The following CCDC148 variants were observed in gnomAD, a reference collection of about 807,000 sequenced individuals.
CCDC148 encodes the protein coiled-coil domain containing 148.
A neutral mutation model predicts 85.7 loss-of-function variants in CCDC148; 89 were observed. That is an observed-to-expected ratio of 1.04 (90% CI 0.87 to 1.24). The LOEUF is 1.24. Among genes scored for constraint, CCDC148 ranks in the 50% most tolerant of loss-of-function variants. The probability of loss-of-function intolerance (pLI) is 0.00; values close to 1 mark genes in which losing one functional copy is unlikely to be tolerated. For synonymous variants in CCDC148, 230 were observed against 213.9 expected, an observed-to-expected ratio of 1.08 and a Z score of -0.66; for missense variants, 692 against 671.7, an observed-to-expected ratio of 1.03 and a Z score of -0.33.
intron 1 of CCDC148, among the ~76,000 whole-genome samples, chr2:158,421,349 C>A (rs182404080): frequency 6.6e-6 from 1 of 152,292 alleles, no homozygotes; most frequent in Admixed American, 6.5e-5. Context: ...TAAAGCACTC[C>A]TCAGCAAATG....
intron 11 of CCDC148, among the ~76,000 whole-genome samples, chr2:158,199,500 C>T (rs181482262): frequency 6.6e-6 from 1 of 152,322 alleles, no homozygotes; most frequent in Admixed American, 6.5e-5. Context: ...CCACCTTGGC[C>T]TCCCAAAGTG....
rs777356867 is a variant in CCDC148 at position 158,323,919 on chromosome 2, C to CTTTTTTT, written c.765-10032_765-10026dup. ...GTCTAATTTCACCACCTGGGAATAA[C>CTTTTTTT]TTTTTTTTTTTTTTTTTTTTTTTTT... On this transcript the variant is annotated intron_variant, in intron 7 of 13. Transcript: ENST00000283233. Among the ~76,000 whole-genome samples the CTTTTTTT allele has an allele frequency of 1.3e-4, 11 of 82,946 alleles. 1 individual carries two copies. The highest frequency in any genetic ancestry group is 4.5e-4 in the South Asian group (1 of 2,246). The allele number at this position is 82,946 out of a possible 152,430, so 54.4% of individuals were successfully genotyped here. A position where few individuals can be genotyped will look rare whatever the true frequency, so the allele number is the denominator to read the frequency against.
At chr2:158,178,833 T>A (rs1033081499) in intron 12 of CCDC148, 46 bp downstream of exon 12, 7 of 1,251,446 alleles carry the variant, frequency 5.6e-6, no homozygotes, top group Non-Finnish European at 7.9e-6. Context: ...CTTAGAAACA[T>A]TTTTTTTAAA....
At chr2:158,256,191 T>C (rs1689003054) in intron 9 of CCDC148, among the ~76,000 whole-genome samples, 1 of 151,702 alleles carries the variant, frequency 6.6e-6, no homozygotes, top group Admixed American at 6.6e-5. Context: ...AAACAATTTA[T>C]TATAAGTGTC....
chr2:158,338,756 T>C lies in CCDC148; in HGVS notation c.734A>G (p.Asp245Gly), dbSNP rs773020595. 7 of 1,608,926 alleles carry C rather than the reference T, an allele frequency of 4.4e-6. No individual in the cohort carries two copies. The highest frequency in any genetic ancestry group is 5.9e-6 in the Non-Finnish European group (7 of 1,178,834). The change falls in exon 7 of 14, where the codon GAC (aspartate) becomes GGC (glycine). Residue 245 changes from aspartate to glycine, a missense_variant. Asp to Gly is a moderately conservative substitution (Grantham distance 94, BLOSUM62 -1). Coordinates refer to ENST00000283233, the MANE Select transcript of CCDC148 (RefSeq NM_138803.4). ...FTQKYQKKLQ[D>G]FNLQLEDIYR... ...TATGTCTTCCAACTGCAGATTAAAG[T>C]CTTGAAGCTTCTTCTGATATTTCTG...
intron 10 of CCDC148, among the ~76,000 whole-genome samples, chr2:158,226,915 T>G (rs189393314): frequency 0.022 from 3,391 of 152,236 alleles, 48 homozygotes; most frequent in East Asian, 0.068. Context: ...ATGCCCTCTC[T>G]CACCACTCCT....
intron 9 of CCDC148, among the ~76,000 whole-genome samples, chr2:158,307,949 T>G (rs1339619977): frequency 1.3e-5 from 2 of 152,112 alleles, no homozygotes; most frequent in African/African-American, 4.8e-5. Flanking sequence ...TCTCAGTGGT[T>G]TTTCATGGGT....
At chr2:158,340,496 A>C in intron 4 of CCDC148, 102 bp downstream of exon 4, 1 of 1,443,938 alleles carries the variant, frequency 6.9e-7, no homozygotes. Context: ...TCCTTAGAAA[A>C]AAACAAATGG....
intron 9 of CCDC148, among the ~76,000 whole-genome samples, chr2:158,258,681 C>A (rs1689102668): frequency 6.6e-6 from 1 of 151,852 alleles, no homozygotes; most frequent in South Asian, 2.1e-4. Context: ...TTCCCACTGT[C>A]TCTTAAACCC....
rs185466055 is a variant in CCDC148 at position 158,401,118 on chromosome 2, T to G, written c.26-42548A>C. Among the ~76,000 whole-genome samples, 406 of 152,258 alleles carry G rather than the reference T, an allele frequency of 2.7e-3. 3 individuals are homozygous for G. The highest frequency in any genetic ancestry group is 9.5e-3 in the African/African-American group (395 of 41,550). The stretch of plus-strand genomic sequence containing the variant: ...ACTGTTGGTGGGAGTGTAAATTAAT[T>G]CAACCATTGTGGAAGACACTGTGGC... On this transcript the variant is annotated intron_variant, in intron 1 of 13. Coordinates refer to ENST00000283233, the MANE Select transcript of CCDC148 (RefSeq NM_138803.4).
intron 1 of CCDC148, among the ~76,000 whole-genome samples, chr2:158,424,146 G>A (rs1686952392): frequency 6.6e-6 from 1 of 152,220 alleles, no homozygotes; most frequent in Admixed American, 6.5e-5. Flanking sequence ...AACCATTGTG[G>A]AAGTCAGTGT....
At chr2:158,233,371 A>T (rs554770945) in intron 10 of CCDC148, among the ~76,000 whole-genome samples, 1 of 151,560 alleles carries the variant, frequency 6.6e-6, no homozygotes, top group African/African-American at 2.4e-5. Flanking sequence ...TTGAAGTATG[A>T]CTCCTCTTTC....
At chr2:158,445,666 G>A (rs970197453) in intron 1 of CCDC148, among the ~76,000 whole-genome samples, 1 of 152,056 alleles carries the variant, frequency 6.6e-6, no homozygotes, top group African/African-American at 2.4e-5. Context: ...CTACTAAAAC[G>A]TTGAAGTCTC....
intron 1 of CCDC148, among the ~76,000 whole-genome samples, chr2:158,379,837 C>T (rs1247995583): frequency 6.6e-6 from 1 of 152,092 alleles, no homozygotes; most frequent in African/African-American, 2.4e-5. Context: ...ATACTGTAAA[C>T]ATAACTTTTA....
At chr2:158,324,085 T>G (rs1045049895) in intron 7 of CCDC148, among the ~76,000 whole-genome samples, 1 of 151,830 alleles carries the variant, frequency 6.6e-6, no homozygotes, top group Admixed American at 6.6e-5. Context: ...GCCCAGCTAA[T>G]TTTTGTATTT....
At chr2:158,334,661 A>T (rs2105236530) in intron 7 of CCDC148, among the ~76,000 whole-genome samples, 1 of 152,132 alleles carries the variant, frequency 6.6e-6, no homozygotes, top group South Asian at 2.1e-4. Context: ...TATCTCTTTA[A>T]TAATCTGATA....
intron 3 of CCDC148, among the ~76,000 whole-genome samples, chr2:158,344,298 A>G (rs1387587145): frequency 6.6e-6 from 1 of 152,098 alleles, no homozygotes; most frequent in Admixed American, 6.5e-5. Flanking sequence ...TTGTTTTTCT[A>G]TGTTTTAAGT....
intron 9 of CCDC148, among the ~76,000 whole-genome samples, chr2:158,264,341 T>C (rs556485689): frequency 6.6e-6 from 1 of 152,190 alleles, no homozygotes; most frequent in South Asian, 2.1e-4. Context: ...ATCTTAGCTA[T>C]ACAGGAGACC....
At chr2:158,437,739 A>T (rs961197711) in intron 1 of CCDC148, among the ~76,000 whole-genome samples, 1 of 152,232 alleles carries the variant, frequency 6.6e-6, no homozygotes, top group African/African-American at 2.4e-5. Context: ...CCATCGTCTC[A>T]GCCCAAAATC....
Sources: allele counts gnomAD v4.1 joint callset (sites outside exome capture counted in the v4.1 genomes callset), GRCh38; gene constraint gnomAD v4.1.1; transcripts MANE v1.5; gene names NCBI Gene and HGNC (gene_info 2026-07-23, HGNC 2026-07-21).